Variants in CAMTA1 observed in about 807,000 individuals in gnomAD.
CAMTA1 encodes calmodulin-binding transcription activator 1.
Under a neutral mutation model 170.9 loss-of-function variants are expected in CAMTA1, and 27 were observed. That is an observed-to-expected ratio of 0.16 (90% CI 0.12 to 0.22). The LOEUF is 0.22. CAMTA1 is among the 10% of genes least tolerant of loss of function. CAMTA1 has a pLI of 1.00. For missense variants in CAMTA1, 1,619 were observed against 2,217.2 expected (o/e 0.73, Z 5.42); for synonymous variants, 833 against 891.5 (o/e 0.93, Z 1.17).
At chr1:7,676,241 T>C (rs2096119545) in intron 10 of CAMTA1, among the ~76,000 whole-genome samples, 1 of 152,168 alleles carries the variant, frequency 6.6e-6, no homozygotes, top group Non-Finnish European at 1.5e-5. Context: ...TGGCCGGGGC[T>C]CCCTGCCCAG....
intron 20 of CAMTA1, 122 bp from the exon 21 acceptor site, chr1:7,752,337 C>A: frequency 1.3e-6 from 1 of 787,772 alleles, no homozygotes; most frequent in South Asian, 1.5e-5. Context: ...ACATCTTTAA[C>A]ATATGCTGTT....
intron 3 of CAMTA1, among the ~76,000 whole-genome samples, chr1:7,085,870 A>AGAT (rs1353826181): frequency 6.6e-6 from 1 of 152,154 alleles, no homozygotes; most frequent in African/African-American, 2.4e-5. Context: ...TGGGTGGTGG[A>AGAT]GATGGATGCA....
chr1:7,460,863 T>C (rs561870146), intron 5 of CAMTA1, among the ~76,000 whole-genome samples: 127 of 152,200 alleles, frequency 8.3e-4, no homozygotes, highest in African/African-American at 2.9e-3. Context: ...GCCACTTCCC[T>C]AGCGGCAGAG....
At position 7,642,203 on chromosome 1, in the gene CAMTA1, G is replaced by A. The variant is rs1044365498; in HGVS notation, c.664+1650G>A. Among the ~76,000 whole-genome samples, 1 of 152,192 alleles carries A rather than the reference G, an allele frequency of 6.6e-6. No homozygotes were observed. Among genetic ancestry groups the A allele is most frequent in the African/African-American group, 2.4e-5 (1 of 41,448 alleles). On this transcript the variant is annotated intron_variant, in intron 7 of 22. Coordinates refer to ENST00000303635, the MANE Select transcript of CAMTA1 (RefSeq NM_015215.4). This position sits in a 1 kb window ranked among gnomAD's most constrained non-coding sequence, Gnocchi z 6.3. ...CCCGCGCTTCATCAGGAGGGGCCTCGTGAGCCTCTTCAAAATGCTGCCGAG... is the reference window on the plus strand; with the variant it reads ...CCCGCGCTTCATCAGGAGGGGCCTCATGAGCCTCTTCAAAATGCTGCCGAG...
At chr1:7,177,752 A>T (rs1014506269) in intron 4 of CAMTA1, among the ~76,000 whole-genome samples, 4 of 149,118 alleles carry the variant, frequency 2.7e-5, no homozygotes, top group African/African-American at 9.9e-5. Flanking sequence ...GGCCTCTAAC[A>T]TGTCAAAGCC....
At chr1:7,104,157 T>C (rs1180647957) in intron 4 of CAMTA1, among the ~76,000 whole-genome samples, 1 of 140,270 alleles carries the variant, frequency 7.1e-6, no homozygotes, top group Non-Finnish European at 1.5e-5. Flanking sequence ...AACACACATA[T>C]GCATACAACT....
intron 5 of CAMTA1, among the ~76,000 whole-genome samples, chr1:7,409,026 C>A (rs2090506422): frequency 6.6e-6 from 1 of 152,202 alleles, no homozygotes; most frequent in African/African-American, 2.4e-5. Context: ...CAGACAACAC[C>A]TAGGCGCTCC....
intron 11 of CAMTA1, among the ~76,000 whole-genome samples, chr1:7,715,446 T>C (rs967835248): frequency 1.9e-4 from 29 of 151,714 alleles, no homozygotes; most frequent in Non-Finnish European, 3.7e-4. Context: ...TTTTTTTTTT[T>C]TCTTGAGGCA....
chr1:6,885,823 A>G (rs1326065239), intron 3 of CAMTA1, among the ~76,000 whole-genome samples: 3 of 151,740 alleles, frequency 2.0e-5, no homozygotes, highest in Non-Finnish European at 4.4e-5. Flanking sequence ...TGATGTGTGG[A>G]CACTCTTTCT....
intron 3 of CAMTA1, among the ~76,000 whole-genome samples, chr1:7,031,032 G>A (rs1366586124): frequency 7.8e-6 from 1 of 128,308 alleles, no homozygotes; most frequent in Admixed American, 8.3e-5. Flanking sequence ...TTTTTTAGTA[G>A]AGACAGGGTT....
At position 7,498,865 on chromosome 1, in the gene CAMTA1, T is replaced by C. The variant is rs538578060; in HGVS notation, c.510+30964T>C. ...GCGTGTGTATGTATGAGTGTGTGTGTGCATGAGTGAGTGTGTAGAGAGGAT... is the reference window on the plus strand; with the variant it reads ...GCGTGTGTATGTATGAGTGTGTGTGCGCATGAGTGAGTGTGTAGAGAGGAT... On this transcript the variant is annotated intron_variant, in intron 6 of 22. Transcript: ENST00000303635. Among the ~76,000 whole-genome samples the C allele has an allele frequency of 2.5e-3, 367 of 148,964 alleles. 1 individual carries two copies. Among genetic ancestry groups the C allele is most frequent in the African/African-American group, 8.6e-3 (346 of 40,156 alleles).
At chr1:7,322,790 T>G (rs1338302217) in intron 5 of CAMTA1, among the ~76,000 whole-genome samples, 2 of 152,228 alleles carry the variant, frequency 1.3e-5, no homozygotes, top group Non-Finnish European at 2.9e-5. Context: ...TTCTTCTTCT[T>G]CCCTTAATAA....
rs138222704 is a variant in CAMTA1, at chr1:6,966,827, G to T, written c.235-124477G>T. ...GGATTTCACCGTGTTGCCCAGGCTG[G>T]TCTCGAACTCCTAAGCTCAGGCAAT... is the stretch of plus-strand genomic sequence containing the variant. On this transcript the variant is annotated intron_variant, in intron 3 of 22. Transcript: ENST00000303635. 5.0e-3 allele frequency among the ~76,000 whole-genome samples: 751 copies of T among 151,712 alleles called. 7 individuals carry two copies. Among genetic ancestry groups the T allele is most frequent in the African/African-American group, 0.017 (705 of 41,432 alleles).
intron 5 of CAMTA1, among the ~76,000 whole-genome samples, chr1:7,287,574 C>CCTTCTTCTT (rs918222458): frequency 6.6e-6 from 1 of 151,768 alleles, no homozygotes; most frequent in Non-Finnish European, 1.5e-5. Flanking sequence ...CAAGCCCTTT[C>CCTTCTTCTT]CTTCTTCTTC....
chr1:7,030,839 G>GT (rs35126919), intron 3 of CAMTA1, among the ~76,000 whole-genome samples: 312 of 144,152 alleles, frequency 2.2e-3, no homozygotes, highest in South Asian at 6.7e-3. Context: ...CATCCTTAAT[G>GT]TTTTTTTTTT....
Position 7,308,012 on chromosome 1 carries a change from A to G in CAMTA1, c.438+58386A>G, listed in dbSNP as rs571653554. Among the ~76,000 whole-genome samples the G allele has an allele frequency of 7.2e-5, 11 of 152,054 alleles. No individual in the cohort carries two copies. In the South Asian group the frequency reaches 1.5e-3, roughly 20 times the overall value. On this transcript the variant is annotated intron_variant, in intron 5 of 22. Coordinates refer to ENST00000303635, the MANE Select transcript of CAMTA1 (RefSeq NM_015215.4). ...TTTTTTTTTCAGAAAGTTTTAAACT[A>G]CTAATTCAATTTATTTAATAGTTAC...
intron 4 of CAMTA1, among the ~76,000 whole-genome samples, chr1:7,103,835 TAC>T (rs1162802900): frequency 5.7e-5 from 1 of 17,514 alleles, no homozygotes; most frequent in Non-Finnish European, 9.9e-5. Context: ...CACACACAAC[TAC>T]ACACATGTAC....
chr1:7,085,580 T>A (rs747981454), intron 3 of CAMTA1, among the ~76,000 whole-genome samples: 52 of 152,216 alleles, frequency 3.4e-4, no homozygotes, highest in Non-Finnish European at 5.7e-4. Context: ...CAGTGCACTG[T>A]GGAGGGAGAC....
intron 1 of CAMTA1, among the ~76,000 whole-genome samples, chr1:6,818,487 T>C (rs1280993170): frequency 6.6e-6 from 1 of 152,208 alleles, no homozygotes; most frequent in East Asian, 1.9e-4. Flanking sequence ...TTGAAAGCAC[T>C]TGGGTATGTA....
Sources: gnomAD v4.1 joint callset for allele counts (sites outside exome capture counted in the v4.1 genomes callset) on GRCh38, gnomAD v4.1.1 for gene constraint, Gnocchi (gnomAD v3.1) non-coding constraint, MANE v1.5 for transcripts, NCBI Gene and HGNC (gene_info 2026-07-23, HGNC 2026-07-21) for gene names.